PDE8B: variants seen among roughly 807,000 people sequenced by gnomAD.
PDE8B encodes the protein phosphodiesterase 8B, also known as high affinity cAMP-specific and IBMX-insensitive 3',5'-cyclic phosphodiesterase 8B.
Under a neutral mutation model 101.3 loss-of-function variants are expected in PDE8B, and 26 were observed. That is an observed-to-expected ratio of 0.26 (90% CI 0.19 to 0.36). The LOEUF is 0.36. PDE8B is among the 10% of genes least tolerant of loss of function. The pLI, the probability that PDE8B is intolerant of heterozygous loss-of-function variation, is 1.00. For missense variants in PDE8B, 810 were observed against 1,163.1 expected (o/e 0.70, Z 4.42); for synonymous variants, 424 against 429.3 (o/e 0.99, Z 0.15).
chr5:77,359,925 G>A lies in PDE8B; in HGVS notation c.1167+6519G>A, dbSNP rs566813783. ...AGCCTGACCAACATGGTGAAACCCC[G>A]TCTCTACGAAAAATACAAAAATTAG... On this transcript the variant is annotated intron_variant, in intron 10 of 21. Coordinates refer to ENST00000264917, the MANE Select transcript of PDE8B (RefSeq NM_003719.5). Among the ~76,000 whole-genome samples, 8 of 152,062 alleles carry A rather than the reference G, an allele frequency of 5.3e-5. No individual in the cohort carries two copies. In the South Asian group the frequency reaches 1.7e-3, roughly 32 times the overall value.
At chr5:77,334,636 ATCC>A (rs1344158752) in intron 5 of PDE8B, among the ~76,000 whole-genome samples, 1 of 152,106 alleles carries the variant, frequency 6.6e-6, no homozygotes. Context: ...GATTTACTTA[ATCC>A]TCCTCTACAT....
intron 10 of PDE8B, among the ~76,000 whole-genome samples, chr5:77,398,610 G>A (rs963592151): frequency 9.2e-5 from 14 of 152,022 alleles, no homozygotes; most frequent in East Asian, 7.7e-4. Flanking sequence ...AGTGAGCCAC[G>A]GCGCCCGACC....
chr5:77,362,571 T>C (rs1358825382), intron 10 of PDE8B, among the ~76,000 whole-genome samples: 1 of 152,262 alleles, frequency 6.6e-6, no homozygotes, highest in Non-Finnish European at 1.5e-5. Context: ...CTTAGCAGCA[T>C]ACTGTTGACT....
chr5:77,426,150 C>G (rs761552442), intron 21 of PDE8B: 7 of 592,050 alleles, frequency 1.2e-5, no homozygotes, highest in Middle Eastern at 4.5e-4. Context: ...GGACACGCTG[C>G]CAAAGCTTAC....
At position 77,427,088 on chromosome 5, in the gene PDE8B, C is replaced by G. The variant is rs1228473188; in HGVS notation, c.*534C>G. ...AAGTGAAACAACTAGGACCAAATTACAGATAAACTAGTTAGCTTCACAGCC... is the reference window on the plus strand; with the variant it reads ...AAGTGAAACAACTAGGACCAAATTAGAGATAAACTAGTTAGCTTCACAGCC... On this transcript the variant is annotated 3_prime_UTR_variant, in exon 22 of 22. Coordinates refer to ENST00000264917, the MANE Select transcript of PDE8B (RefSeq NM_003719.5). The G allele has an allele frequency of 6.2e-6, 1 of 161,030 alleles. No homozygotes were observed. Among genetic ancestry groups the G allele is most frequent in the African/African-American group, 2.4e-5 (1 of 41,292 alleles). The allele number at this position is 161,030 out of a possible 1,614,324, so 10.0% of individuals were successfully genotyped here.
chr5:77,290,115 A>G lies in PDE8B; in HGVS notation c.340-21879A>G, dbSNP rs1244600343. 2.6e-5 allele frequency among the ~76,000 whole-genome samples: 4 copies of G among 152,222 alleles called. No homozygotes were observed. The East Asian group carries it at 5.8e-4, about 22-fold the overall frequency. On this transcript the variant is annotated intron_variant, in intron 1 of 21. Coordinates refer to ENST00000264917, the MANE Select transcript of PDE8B (RefSeq NM_003719.5). The stretch of plus-strand genomic sequence containing the variant: ...TTGGCATCTGTCCTCTCCAAGGGGT[A>G]AGTATTATTACCCCTAGTTCCACGT...
intron 10 of PDE8B, among the ~76,000 whole-genome samples, chr5:77,363,420 T>G (rs2150576267): frequency 6.6e-6 from 1 of 152,086 alleles, no homozygotes; most frequent in East Asian, 1.9e-4. Context: ...GTGGATAGAA[T>G]ATGTCATTGT....
intron 7 of PDE8B, 91 bp from the exon 8 acceptor site, chr5:77,349,328 G>A: frequency 6.5e-7 from 1 of 1,536,424 alleles, no homozygotes; most frequent in Non-Finnish European, 9.0e-7. Flanking sequence ...ATTCCTCTGG[G>A]TCCCAACAAG....
intron 1 of PDE8B, among the ~76,000 whole-genome samples, chr5:77,296,034 C>T (rs1768467688): frequency 6.6e-6 from 1 of 152,156 alleles, no homozygotes; most frequent in East Asian, 1.9e-4. Context: ...AATGACTACC[C>T]CTAACCAATT....
the PDE8B span, chr5:77,165,451 C>T: frequency 6.6e-6 from 1 of 152,234 alleles, no homozygotes; most frequent in Non-Finnish European, 1.5e-5. Context: ...AACATCTAAC[C>T]TCTTCGGACG....
At chr5:77,195,761 A>G in the PDE8B span, among the ~76,000 whole-genome samples, 1 of 152,328 alleles carries the variant, frequency 6.6e-6, no homozygotes, top group African/African-American at 2.4e-5. Context: ...GATGTTATTA[A>G]GAAAATCATA....
chr5:77,268,801 A>T (rs76992600), intron 1 of PDE8B, among the ~76,000 whole-genome samples: 12,433 of 150,432 alleles, frequency 0.083, 658 homozygotes, highest in African/African-American at 0.15. Context: ...TCTTCTAACT[A>T]TCTCCTAACT....
chr5:77,352,558 T>A (rs1054652558), intron 9 of PDE8B, among the ~76,000 whole-genome samples: 2 of 152,224 alleles, frequency 1.3e-5, no homozygotes, highest in Non-Finnish European at 2.9e-5. Context: ...AAATTTTACC[T>A]CTTCCTAGTT....
chr5:77,129,142 G>A, the PDE8B span, among the ~76,000 whole-genome samples: 1 of 152,018 alleles, frequency 6.6e-6, no homozygotes. Flanking sequence ...AACTAGTTTA[G>A]TAGTGAAAGT....
At chr5:77,236,797 T>G (rs1173149450) in intron 1 of PDE8B, among the ~76,000 whole-genome samples, 2 of 152,224 alleles carry the variant, frequency 1.3e-5, no homozygotes, top group Non-Finnish European at 2.9e-5. Context: ...AATGTCAATT[T>G]AGTTCAGTTG....
intron 1 of PDE8B, among the ~76,000 whole-genome samples, chr5:77,280,339 C>T (rs1764719912): frequency 6.6e-6 from 1 of 152,162 alleles, no homozygotes; most frequent in Non-Finnish European, 1.5e-5. Context: ...GCTGTCTCCT[C>T]CCTGTCCTCC....
At chr5:77,311,940 A>C in intron 1 of PDE8B, 54 bp from the exon 2 acceptor site, 1 of 1,338,994 alleles carries the variant, frequency 7.5e-7, no homozygotes, top group Admixed American at 1.7e-5. Flanking sequence ...GGAAGGATGT[A>C]TCCATTTGTG....
upstream of PDE8B, among the ~76,000 whole-genome samples, chr5:77,207,088 G>A (rs917287869): frequency 3.9e-5 from 6 of 152,258 alleles, no homozygotes; most frequent in African/African-American, 1.2e-4. Flanking sequence ...CCTAATAAAC[G>A]GTATCATTTC....
intron 1 of PDE8B, among the ~76,000 whole-genome samples, chr5:77,297,296 T>C (rs576758377): frequency 6.6e-6 from 1 of 152,304 alleles, no homozygotes; most frequent in Admixed American, 6.5e-5. Context: ...TCAACATGAA[T>C]TTTGGAGGGG....
Sources: allele counts gnomAD v4.1 joint callset (sites outside exome capture counted in the v4.1 genomes callset), GRCh38; gene constraint gnomAD v4.1.1; transcripts MANE v1.5; gene names NCBI Gene and HGNC (gene_info 2026-07-23, HGNC 2026-07-21).